The following GRM5 variants were observed in gnomAD, a reference collection of about 807,000 sequenced individuals.
GRM5 encodes metabotropic glutamate receptor 5.
In GRM5, 19 loss-of-function variants were observed where a neutral mutation model predicts 83.1. That is an observed-to-expected ratio of 0.23 (90% CI 0.16 to 0.34). GRM5 has a LOEUF of 0.34. GRM5 is among the 10% of genes least tolerant of loss of function. The pLI is 1.00. For missense variants in GRM5, 1,160 were observed against 1,588.3 expected (o/e 0.73, Z 4.58); for synonymous variants, 675 against 633.6 (o/e 1.07, Z -0.98).
intron 4 of GRM5, among the ~76,000 whole-genome samples, chr11:88,651,159 A>G (rs1032959195): frequency 2.6e-5 from 4 of 152,062 alleles, no homozygotes; most frequent in Non-Finnish European, 5.9e-5. Flanking sequence ...TTTCCATAGA[A>G]ATAATATTTT....
intron 2 of GRM5, among the ~76,000 whole-genome samples, chr11:88,909,620 T>C (rs987012315): frequency 1.3e-5 from 2 of 151,862 alleles, no homozygotes; most frequent in African/African-American, 4.8e-5. Context: ...ACTTATAACT[T>C]AAATTTGCTT....
chr11:88,583,998 A>G (rs1565348694), intron 7 of GRM5, among the ~76,000 whole-genome samples: 1 of 151,914 alleles, frequency 6.6e-6, no homozygotes, highest in Non-Finnish European at 1.5e-5. Context: ...TTTTTGCAAA[A>G]TTTTCTTACC....
At chr11:88,628,894 T>C (rs777887724) in intron 4 of GRM5, among the ~76,000 whole-genome samples, 6 of 152,208 alleles carry the variant, frequency 3.9e-5, no homozygotes, top group East Asian at 1.9e-4. Context: ...GATCCCTTTT[T>C]TTCTAGTCAC....
intron 2 of GRM5, among the ~76,000 whole-genome samples, chr11:88,964,343 T>C (rs1272393278): frequency 6.7e-6 from 1 of 149,484 alleles, no homozygotes; most frequent in Non-Finnish European, 1.5e-5. Context: ...TTTCTGAGAG[T>C]AACAGTAGAA....
chr11:88,798,805 C>CAAAAAAAAAAAAAAAAAAAAA (rs4002396), intron 3 of GRM5, among the ~76,000 whole-genome samples: 4 of 55,388 alleles, frequency 7.2e-5, no homozygotes, highest in African/African-American at 2.5e-4. Context: ...ATGAAAACAC[C>CAAAAAAAAAAAAAAAAAAAAA]AAAAAAAAAA....
chr11:88,653,214 C>T lies in GRM5; in HGVS notation c.1101G>A (p.Leu367=). 1.2e-6 allele frequency: 2 copies of T among 1,612,628 alleles called. No individual in the cohort carries two copies. The highest frequency in any genetic ancestry group is 1.7e-6 in the Non-Finnish European group (2 of 1,178,980). The stretch of plus-strand genomic sequence containing the variant: ...TGCTGTTCTCCTGTGGAAACCCTTC[C>T]AGTCGGCACTGAAAACGATGCTGCC... ...EFWQHRFQCR[L]EGFPQENSKY... Residue 367 remains leucine, a synonymous_variant, in exon 4 of 10, where the codon CTG becomes CTA. Transcript: ENST00000305447.
intron 3 of GRM5, among the ~76,000 whole-genome samples, chr11:88,657,290 G>A (rs918451209): frequency 1.3e-5 from 2 of 152,116 alleles, no homozygotes; most frequent in African/African-American, 2.4e-5. Flanking sequence ...TGAATGATAA[G>A]AATTGGCTGT....
intron 2 of GRM5, among the ~76,000 whole-genome samples, chr11:88,957,373 A>G (rs1284151032): frequency 6.6e-6 from 1 of 152,234 alleles, no homozygotes; most frequent in Non-Finnish European, 1.5e-5. Flanking sequence ...TTTCCATTTT[A>G]CCAAAAGCAA....
chr11:88,983,711 T>C (rs1856353839), intron 2 of GRM5, among the ~76,000 whole-genome samples: 1 of 152,104 alleles, frequency 6.6e-6, no homozygotes, highest in Admixed American at 6.6e-5. Flanking sequence ...AATATACTCC[T>C]TCTGCTTGTG....
chr11:88,912,155 A>G (rs1945511134), intron 2 of GRM5: 1 of 214,256 alleles, frequency 4.7e-6, no homozygotes, highest in Non-Finnish European at 1.1e-5. Context: ...GTGAAGCAGG[A>G]GTATTGCTTC....
intron 3 of GRM5, among the ~76,000 whole-genome samples, chr11:88,703,192 C>A (rs966856624): frequency 2.6e-5 from 4 of 151,924 alleles, no homozygotes; most frequent in African/African-American, 9.7e-5. Context: ...CCCAGATAAC[C>A]CCTTTCTGTC....
chr11:88,621,008 C>T (rs1180239528), intron 4 of GRM5, among the ~76,000 whole-genome samples: 2 of 152,252 alleles, frequency 1.3e-5, no homozygotes, highest in East Asian at 3.8e-4. Context: ...TCACCATGAA[C>T]AGCCAGTTGG....
At chr11:88,562,639 CTCT>C (rs1942784039) in intron 8 of GRM5, among the ~76,000 whole-genome samples, 1 of 151,852 alleles carries the variant, frequency 6.6e-6, no homozygotes, top group Non-Finnish European at 1.5e-5. Flanking sequence ...TACTTCTTTC[CTCT>C]TCTTTGCTCT....
At chr11:88,718,324 C>G (rs1941444706) in intron 3 of GRM5, among the ~76,000 whole-genome samples, 1 of 151,828 alleles carries the variant, frequency 6.6e-6, no homozygotes, top group South Asian at 2.1e-4. Context: ...TACAGTAAGC[C>G]TTTTAAAATG....
intron 1 of GRM5, among the ~76,000 whole-genome samples, chr11:89,064,660 CTG>C (rs1361918760): frequency 3.3e-5 from 5 of 152,032 alleles, no homozygotes; most frequent in Middle Eastern, 6.8e-3. Flanking sequence ...AATAGAGAAA[CTG>C]AGTACATGAA....
intron 3 of GRM5, among the ~76,000 whole-genome samples, chr11:88,759,777 C>A (rs1239635933): frequency 1.3e-5 from 2 of 152,052 alleles, no homozygotes; most frequent in East Asian, 1.9e-4. Flanking sequence ...AATATATATT[C>A]TTTGATTGCC....
At chr11:88,674,697 C>T (rs375465034) in intron 3 of GRM5, among the ~76,000 whole-genome samples, 1 of 151,990 alleles carries the variant, frequency 6.6e-6, no homozygotes, top group East Asian at 1.9e-4. Flanking sequence ...TCCATTGACT[C>T]AGTGTCTTGG....
At chr11:88,902,154 T>C (rs1199995906) in intron 2 of GRM5, among the ~76,000 whole-genome samples, 12 of 152,016 alleles carry the variant, frequency 7.9e-5, no homozygotes, top group Admixed American at 7.9e-4. Flanking sequence ...AAAGTTTTTT[T>C]GTTTTTTTTT....
At chr11:88,945,680 C>T (rs1938260335) in intron 2 of GRM5, among the ~76,000 whole-genome samples, 1 of 151,954 alleles carries the variant, frequency 6.6e-6, no homozygotes, top group African/African-American at 2.4e-5. Context: ...AGCTGGCTAG[C>T]CATATGCAAA....
Sources: gnomAD v4.1 joint callset for allele counts (sites outside exome capture counted in the v4.1 genomes callset) on GRCh38, gnomAD v4.1.1 for gene constraint, MANE v1.5 for transcripts, NCBI Gene and HGNC (gene_info 2026-07-23, HGNC 2026-07-21) for gene names.